AGBL4: variants seen among roughly 807,000 people sequenced by gnomAD.
The protein encoded by AGBL4 is AGBL carboxypeptidase 4.
A neutral mutation model predicts 66.4 loss-of-function variants in AGBL4; 58 were observed. The observed-to-expected ratio is 0.87, with a 90% CI of 0.71 to 1.09. The LOEUF (loss-of-function observed/expected upper bound fraction) is 1.09. AGBL4 is among the 50% of genes least tolerant of loss of function. The pLI, the probability that AGBL4 is intolerant of heterozygous loss-of-function variation, is 0.00. For synonymous variants in AGBL4, 234 were observed against 222.9 expected (o/e 1.05, Z -0.44); for missense variants, 579 against 631.0 (o/e 0.92, Z 0.88).
At chr1:49,717,815 C>T (rs998630334) in intron 2 of AGBL4, among the ~76,000 whole-genome samples, 2 of 151,854 alleles carry the variant, frequency 1.3e-5, no homozygotes, top group Non-Finnish European at 2.9e-5. Flanking sequence ...AAAAGCTAAC[C>T]TCAAAAGTTG....
chr1:48,717,128 G>C (rs1448523615), intron 6 of AGBL4, among the ~76,000 whole-genome samples: 1 of 152,200 alleles, frequency 6.6e-6, no homozygotes, highest in Admixed American at 6.5e-5. Context: ...ACCCTCCCAG[G>C]TAGAATAAAT....
intron 3 of AGBL4, among the ~76,000 whole-genome samples, chr1:49,438,429 C>T (rs1264089012): frequency 6.6e-6 from 1 of 152,100 alleles, no homozygotes; most frequent in Non-Finnish European, 1.5e-5. Context: ...ATGTCCTTGG[C>T]AGGAAACAGT....
At chr1:49,042,330 G>A (rs905613779) in intron 5 of AGBL4, among the ~76,000 whole-genome samples, 1 of 152,070 alleles carries the variant, frequency 6.6e-6, no homozygotes, top group Non-Finnish European at 1.5e-5. Flanking sequence ...TAGAATTCAA[G>A]GTAATACAAG....
intron 6 of AGBL4, among the ~76,000 whole-genome samples, chr1:48,711,329 A>C (rs430091): frequency 0.87 from 132,515 of 151,796 alleles, 60,341 homozygotes; most frequent in Non-Finnish European, 1. Flanking sequence ...TACCAACTGA[A>C]CAAGTGCTTT....
rs1660633550 is a variant in AGBL4 at position 48,991,888 on chromosome 1, T to C, written c.594+53696A>G. On this transcript the variant is annotated intron_variant, in intron 5 of 13. Coordinates refer to ENST00000371839, the MANE Select transcript of AGBL4 (RefSeq NM_032785.4). ...TTGAATTTATAGAATTCTTAATTCC[T>C]TGTCTGTGTTATCTTGAATTTTGTC... Among the ~76,000 whole-genome samples, 3 of 152,204 alleles carry C rather than the reference T, an allele frequency of 2.0e-5. No homozygotes were observed. The South Asian group carries it at 6.2e-4, about 32-fold the overall frequency.
At chr1:48,925,510 T>A (rs1654465639) in intron 5 of AGBL4, among the ~76,000 whole-genome samples, 1 of 151,968 alleles carries the variant, frequency 6.6e-6, no homozygotes, top group East Asian at 1.9e-4. Context: ...TATGAGATTT[T>A]TTTTGTGTTT....
chr1:48,535,248 G>A (rs778319567), intron 12 of AGBL4, among the ~76,000 whole-genome samples: 2 of 152,038 alleles, frequency 1.3e-5, no homozygotes, highest in South Asian at 4.1e-4. Context: ...GCCACTGGAA[G>A]GCAAAACATC....
chr1:49,841,971 G>A (rs572899087), intron 2 of AGBL4: 160 of 509,846 alleles, frequency 3.1e-4, no homozygotes, highest in Admixed American at 4.5e-4. Context: ...ACCTGGCCTC[G>A]TCCTTGCACA....
chr1:49,560,662 A>G (rs1644016447), intron 3 of AGBL4, among the ~76,000 whole-genome samples: 3 of 152,194 alleles, frequency 2.0e-5, no homozygotes, highest in Admixed American at 2.0e-4. Context: ...CAAACTATTT[A>G]ATAAACTCAC....
chr1:49,497,574 TAA>T (rs1429245558), intron 3 of AGBL4, among the ~76,000 whole-genome samples: 2 of 152,052 alleles, frequency 1.3e-5, no homozygotes, highest in South Asian at 2.1e-4. Flanking sequence ...TGATGTGAGA[TAA>T]AGTCTATTTT....
intron 6 of AGBL4, among the ~76,000 whole-genome samples, chr1:48,794,416 TCTCTCCTC>T (rs1645621123): frequency 6.6e-6 from 1 of 152,078 alleles, no homozygotes; most frequent in South Asian, 2.1e-4. Flanking sequence ...ATTACTACCT[TCTCTCCTC>T]CTCTGGGAAA....
chr1:48,689,203 CAAAAAAAAAAAA>C (rs939955179), intron 6 of AGBL4, among the ~76,000 whole-genome samples: 1 of 53,348 alleles, frequency 1.9e-5, no homozygotes, highest in Non-Finnish European at 4.1e-5. Context: ...GACCCGGTCT[CAAAAAAAAAAAA>C]AAAAAAAAGA....
intron 3 of AGBL4, among the ~76,000 whole-genome samples, chr1:49,584,164 G>A (rs1280526991): frequency 1.3e-5 from 2 of 152,126 alleles, no homozygotes; most frequent in Non-Finnish European, 2.9e-5. Context: ...CTTTACTTCA[G>A]GCTTTCTGAG....
chr1:48,885,962 A>G (rs1650285165), intron 5 of AGBL4, among the ~76,000 whole-genome samples: 1 of 152,218 alleles, frequency 6.6e-6, no homozygotes, highest in South Asian at 2.1e-4. Context: ...AGAGTGGACA[A>G]CTGCTGAGTT....
intron 4 of AGBL4, among the ~76,000 whole-genome samples, chr1:49,136,189 A>G (rs553258472): frequency 6.6e-6 from 1 of 152,274 alleles, no homozygotes; most frequent in East Asian, 1.9e-4. Flanking sequence ...ACAACAGAAA[A>G]TCTTCTGTGT....
intron 6 of AGBL4, among the ~76,000 whole-genome samples, chr1:48,788,283 CT>C (rs1463661434): frequency 6.6e-6 from 1 of 152,224 alleles, no homozygotes; most frequent in Non-Finnish European, 1.5e-5. Context: ...TTCTATTACT[CT>C]TTCCTTTCAG....
intron 6 of AGBL4, among the ~76,000 whole-genome samples, chr1:48,799,074 G>A (rs1008705957): frequency 1.3e-5 from 2 of 152,076 alleles, no homozygotes; most frequent in Non-Finnish European, 2.9e-5. Context: ...TATTTTGATG[G>A]GAATTGCATT....
intron 3 of AGBL4, among the ~76,000 whole-genome samples, chr1:49,272,918 T>A (rs1644091782): frequency 6.6e-6 from 1 of 152,182 alleles, no homozygotes; most frequent in Non-Finnish European, 1.5e-5. Flanking sequence ...ATAAAATACA[T>A]CTTAAGAATT....
At chr1:49,134,483 C>A (rs895834545) in intron 4 of AGBL4, among the ~76,000 whole-genome samples, 7 of 124,774 alleles carry the variant, frequency 5.6e-5, no homozygotes, top group South Asian at 3.2e-4. Flanking sequence ...GGGCCCCCCC[C>A]CCCCCACCCC....
Sources: allele counts gnomAD v4.1 joint callset (sites outside exome capture counted in the v4.1 genomes callset), GRCh38; gene constraint gnomAD v4.1.1; transcripts MANE v1.5; gene names NCBI Gene and HGNC (gene_info 2026-07-23, HGNC 2026-07-21).